SLC2A14: variants seen among roughly 807,000 people sequenced by gnomAD.
SLC2A14 encodes the protein solute carrier family 2, facilitated glucose transporter member 14.
A neutral mutation model predicts 43.0 loss-of-function variants in SLC2A14; 13 were observed. That is an observed-to-expected ratio of 0.30 (90% CI 0.20 to 0.48). The LOEUF is 0.48. SLC2A14 is among the 20% of genes least tolerant of loss of function. The pLI is 0.99. For synonymous variants in SLC2A14, 190 were observed against 233.8 expected, an observed-to-expected ratio of 0.81 and a Z score of 1.71; for missense variants, 428 against 620.4, an observed-to-expected ratio of 0.69 and a Z score of 3.29.
At chr12:7,868,669 A>G (rs1040673688) in intron 2 of SLC2A14, among the ~76,000 whole-genome samples, 2 of 152,200 alleles carry the variant, frequency 1.3e-5, no homozygotes, top group Non-Finnish European at 2.9e-5. Context: ...GCTACATATT[A>G]GCCTGTAACT....
rs1369169484 is a variant in SLC2A14 at position 7,817,854 on chromosome 12, C to T, written c.1252G>A (p.Gly418Arg). The change falls in exon 10 of 11, where the codon GGA (glycine) becomes AGA (arginine). Residue 418 changes from glycine to arginine, a missense_variant. By Grantham distance (125) the Gly-to-Arg change is moderately radical. Transcript: ENST00000431042. ...ACAGCAGCAGAGGGGAAGAGCAATC[C>T]GACTAGGAAGTTGGAGGTCCAGTTG... ...CSNWTSNFLVGLLFPSAAYYL... is the reference protein window; with the variant it reads ...CSNWTSNFLVRLLFPSAAYYL... 7 of 1,613,788 alleles carry T rather than the reference C, an allele frequency of 4.3e-6. No homozygotes were observed. The highest frequency in any genetic ancestry group is 1.3e-5 in the African/African-American group (1 of 74,878).
chr12:7,826,570 G>C (rs1470184225), intron 7 of SLC2A14, among the ~76,000 whole-genome samples: 2 of 151,990 alleles, frequency 1.3e-5, no homozygotes, highest in East Asian at 3.9e-4. Flanking sequence ...GAAGTACAAG[G>C]GTGCTCTTCA....
At position 7,827,700 on chromosome 12, in the gene SLC2A14, G is replaced by A; in HGVS notation, c.677-18C>T. The A allele has an allele frequency of 1.5e-6, 2 of 1,315,580 alleles. No individual in the cohort carries two copies. Among genetic ancestry groups the A allele is most frequent in the Non-Finnish European group, 1.9e-6 (2 of 1,032,526 alleles). The allele number at this position is 1,315,580 out of a possible 1,614,324, so 81.5% of individuals were successfully genotyped here. ...CTGGAGGACTGGTGAAAAGAAGAAA[G>A]AGGAAAGGATAAAGAGAATGTGCTG... is the stretch of plus-strand genomic sequence containing the variant. On this transcript the variant is annotated intron_variant, in intron 6 of 10. Coordinates refer to ENST00000431042, the MANE Select transcript of SLC2A14 (RefSeq NM_001286234.2).
At chr12:7,817,260 C>T (rs903252594) in intron 10 of SLC2A14, among the ~76,000 whole-genome samples, 58 of 152,088 alleles carry the variant, frequency 3.8e-4, no homozygotes, top group African/African-American at 1.3e-3. Context: ...GGATTACAGG[C>T]ATGCGCCACC....
intron 7 of SLC2A14, among the ~76,000 whole-genome samples, chr12:7,826,861 T>TCTTTTTTTTCTC (rs1555121667): frequency 1.7e-5 from 1 of 60,268 alleles, no homozygotes; most frequent in East Asian, 4.6e-4. Flanking sequence ...TTCCTTTCTT[T>TCTTTTTTTTCTC]TTTCTTTCTT....
At chr12:7,829,304 T>C (rs778708324) in intron 5 of SLC2A14, among the ~76,000 whole-genome samples, 3 of 152,194 alleles carry the variant, frequency 2.0e-5, no homozygotes, top group African/African-American at 7.2e-5. Context: ...CTCACACCTA[T>C]AACCCAGAAT....
chr12:7,820,566 C>T (rs1863830315), intron 8 of SLC2A14, among the ~76,000 whole-genome samples: 1 of 152,058 alleles, frequency 6.6e-6, no homozygotes, highest in African/African-American at 2.4e-5. Context: ...GGGGACAAAT[C>T]CTTATATATT....
At chr12:7,861,167 G>C (rs1322004801) in intron 2 of SLC2A14, among the ~76,000 whole-genome samples, 1 of 152,128 alleles carries the variant, frequency 6.6e-6, no homozygotes, top group Non-Finnish European at 1.5e-5. Flanking sequence ...AGAGAGAGGG[G>C]AGATGTGAAG....
intron 2 of SLC2A14, among the ~76,000 whole-genome samples, chr12:7,867,738 G>A (rs1392548201): frequency 6.6e-6 from 1 of 151,486 alleles, no homozygotes; most frequent in South Asian, 2.1e-4. Flanking sequence ...CCAGCTACTC[G>A]GGAGGCTGAG....
intron 2 of SLC2A14, among the ~76,000 whole-genome samples, chr12:7,859,115 G>T (rs1036712446): frequency 6.6e-6 from 1 of 152,092 alleles, no homozygotes; most frequent in Non-Finnish European, 1.5e-5. Flanking sequence ...CAGGCTGGGC[G>T]TGATGGCTGG....
chr12:7,875,635 G>A (rs980199535), upstream of SLC2A14, among the ~76,000 whole-genome samples: 30 of 152,060 alleles, frequency 2.0e-4, no homozygotes, highest in African/African-American at 6.8e-4. Flanking sequence ...ATGTGATTAG[G>A]TAATAAGAGT....
chr12:7,874,795 AAAT>A (rs1357647760), upstream of SLC2A14, among the ~76,000 whole-genome samples: 9 of 44,502 alleles, frequency 2.0e-4, 1 homozygote, highest in African/African-American at 6.3e-4. Context: ...ATAAATATAT[AAAT>A]AATATATAAA....
At chr12:7,883,671 C>T (rs745352517) in intron 1 of SLC2A14, among the ~76,000 whole-genome samples, 2 of 141,244 alleles carry the variant, frequency 1.4e-5, no homozygotes, top group East Asian at 4.2e-4. Flanking sequence ...ACAGCCTCTG[C>T]TTCCCAGGTT....
chr12:7,842,722 CT>C (rs59107341), intron 2 of SLC2A14, among the ~76,000 whole-genome samples: 21,054 of 139,306 alleles, frequency 0.15, 1,497 homozygotes, highest in East Asian at 0.42. Flanking sequence ...TTCTTTTTCT[CT>C]TTTTTTTTTT....
At chr12:7,829,735 C>T (rs1565515388) in intron 5 of SLC2A14, 31 bp downstream of exon 5, 1 of 1,611,742 alleles carries the variant, frequency 6.2e-7, no homozygotes. Flanking sequence ...ATGAAACTAA[C>T]ACTCATTAAG....
rs138925820 is a variant in SLC2A14 at position 7,878,899 on chromosome 12, C to T, written c.132+12097G>A. ...GGCTGAGGCAGAAGAATCACTTGAA[C>T]CAGGGAGTCGGAGGTTGCAGTAAGC... On this transcript the variant is annotated intron_variant, in intron 1 of 9. Transcript: ENST00000539924. Among the ~76,000 whole-genome samples the T allele has an allele frequency of 1.2e-3, 162 of 140,214 alleles. 1 individual carries two copies. Among genetic ancestry groups the T allele is most frequent in the African/African-American group, 4.2e-3 (156 of 37,488 alleles). 92.0% of individuals were successfully genotyped at this position (140,214 alleles called of 152,430 possible). A position where few individuals can be genotyped will look rare whatever the true frequency, so the allele number is the denominator to read the frequency against.
intron 7 of SLC2A14, among the ~76,000 whole-genome samples, chr12:7,826,869 C>CTTT (rs772239409): frequency 0.092 from 3,135 of 33,924 alleles, 379 homozygotes; most frequent in Middle Eastern, 0.23. Context: ...TTTTTTCTTT[C>CTTT]TTTCTTTCTT....
At chr12:7,872,556 C>T (rs1284630339) in intron 1 of SLC2A14, among the ~76,000 whole-genome samples, 1 of 152,156 alleles carries the variant, frequency 6.6e-6, no homozygotes. Context: ...AAGGCAAGGG[C>T]TGGGGTGGCT....
upstream of SLC2A14, among the ~76,000 whole-genome samples, chr12:7,874,933 AT>A (rs1224978677): frequency 0.42 from 30,130 of 71,104 alleles, 5,857 homozygotes; most frequent in South Asian, 0.6. Context: ...ATATTTATAT[AT>A]AATTTATATA....
Sources: allele counts gnomAD v4.1 joint callset (sites outside exome capture counted in the v4.1 genomes callset), GRCh38; gene constraint gnomAD v4.1.1; transcripts MANE v1.5; gene names NCBI Gene and HGNC (gene_info 2026-07-23, HGNC 2026-07-21).